Variants in IL1RAPL2 observed in about 807,000 individuals in gnomAD.
IL1RAPL2 encodes interleukin 1 receptor accessory protein like 2.
Under a neutral mutation model 44.1 loss-of-function variants are expected in IL1RAPL2, and 3 were observed. The ratio of observed to expected loss-of-function variants is 0.07; its 90% confidence interval spans 0.03 to 0.18. IL1RAPL2 has a LOEUF of 0.18. IL1RAPL2 is among the 10% of genes least tolerant of loss of function. The pLI is 1.00. For synonymous variants in IL1RAPL2, 181 were observed against 178.8 expected (o/e 1.01, Z -0.10); for missense variants, 391 against 496.4 (o/e 0.79, Z 2.02).
At chrX:104,990,492 C>T (rs1046151650) in intron 2 of IL1RAPL2, among the ~76,000 whole-genome samples, 4 of 111,292 alleles carry the variant, frequency 3.6e-5, no homozygotes, top group Admixed American at 2.9e-4. Flanking sequence ...AACAATCCTA[C>T]ATTCATGCTT....
intron 6 of IL1RAPL2, among the ~76,000 whole-genome samples, chrX:105,646,563 C>T (rs1259524665): frequency 1.8e-5 from 2 of 111,561 alleles, no homozygotes; most frequent in Non-Finnish European, 3.8e-5. Context: ...TATTTTTTTA[C>T]CTAATCAATC....
At chrX:105,386,573 T>C (rs1683045510) in intron 5 of IL1RAPL2, among the ~76,000 whole-genome samples, 2 of 112,055 alleles carry the variant, frequency 1.8e-5, no homozygotes, top group South Asian at 7.4e-4. Flanking sequence ...AATAGTATCA[T>C]CATGAGGTGA....
At chrX:105,244,328 A>G (rs745906785) in intron 4 of IL1RAPL2, among the ~76,000 whole-genome samples, 8 of 111,628 alleles carry the variant, frequency 7.2e-5, no homozygotes, top group Admixed American at 3.8e-4. Context: ...AAGGGGTAGA[A>G]CACAAAAATC....
At chrX:105,041,187 T>A (rs1011640034) in intron 2 of IL1RAPL2, among the ~76,000 whole-genome samples, 4 of 111,087 alleles carry the variant, frequency 3.6e-5, no homozygotes, top group Admixed American at 1.9e-4. Flanking sequence ...AGTTGAGCAG[T>A]TTTGAGTGAG....
intron 5 of IL1RAPL2, among the ~76,000 whole-genome samples, chrX:105,447,890 A>C (rs2035984374): frequency 1.1e-5 from 1 of 95,008 alleles, no homozygotes; most frequent in Non-Finnish European, 2.0e-5. Context: ...AAATATATAA[A>C]TATATATAAA....
intron 6 of IL1RAPL2, among the ~76,000 whole-genome samples, chrX:105,502,491 T>A (rs2036402330): frequency 9.0e-6 from 1 of 111,368 alleles, no homozygotes; most frequent in Admixed American, 9.6e-5. Context: ...TAAAATGAGA[T>A]CATCTGTGTG....
At chrX:104,858,511 T>C (rs989175510) in intron 2 of IL1RAPL2, among the ~76,000 whole-genome samples, 1 of 111,991 alleles carries the variant, frequency 8.9e-6, no homozygotes, top group Non-Finnish European at 1.9e-5. Flanking sequence ...AAAATCCAAC[T>C]TCTTTCATTA....
intron 2 of IL1RAPL2, among the ~76,000 whole-genome samples, chrX:104,879,473 C>A (rs1029279223): frequency 9.2e-6 from 1 of 109,279 alleles, no homozygotes; most frequent in African/African-American, 3.3e-5. Flanking sequence ...AGTCAAGCAT[C>A]ATGTTTGTGC....
intron 6 of IL1RAPL2, among the ~76,000 whole-genome samples, chrX:105,683,172 AT>A (rs1364128495): frequency 8.9e-6 from 1 of 111,848 alleles, no homozygotes; most frequent in East Asian, 2.8e-4. Flanking sequence ...AACAACAACA[AT>A]TACAACAATA....
chrX:104,653,301 G>A (rs1930187680), intron 1 of IL1RAPL2, among the ~76,000 whole-genome samples: 1 of 111,389 alleles, frequency 9.0e-6, no homozygotes, highest in South Asian at 3.8e-4. Context: ...GGACCTTTGG[G>A]CATATGCCAA....
intron 3 of IL1RAPL2, among the ~76,000 whole-genome samples, chrX:105,228,915 T>G (rs1669305173): frequency 8.9e-6 from 1 of 112,227 alleles, no homozygotes; most frequent in Non-Finnish European, 1.9e-5. Context: ...CCAGGGTTAT[T>G]GGGATAATTA....
intron 2 of IL1RAPL2, among the ~76,000 whole-genome samples, chrX:105,126,119 A>C (rs1199737166): frequency 1.8e-5 from 2 of 110,859 alleles, no homozygotes; most frequent in African/African-American, 6.5e-5. Context: ...ACACTGAGGC[A>C]AATCCTGGTT....
intron 5 of IL1RAPL2, among the ~76,000 whole-genome samples, chrX:105,352,604 CT>C (rs1360999519): frequency 2.7e-5 from 3 of 109,560 alleles, no homozygotes; most frequent in African/African-American, 1.0e-4. Context: ...TGTTTCCTGA[CT>C]TTTTAATGAT....
chrX:104,599,366 G>T (rs1272390693), intron 1 of IL1RAPL2, among the ~76,000 whole-genome samples: 1 of 110,667 alleles, frequency 9.0e-6, no homozygotes, highest in Non-Finnish European at 1.9e-5. Context: ...TCCCATCTCA[G>T]CCTCCTGAGT....
intron 2 of IL1RAPL2, among the ~76,000 whole-genome samples, chrX:105,035,690 C>T (rs1214767407): frequency 8.9e-6 from 1 of 112,395 alleles, no homozygotes; most frequent in Non-Finnish European, 1.9e-5. Flanking sequence ...CATTATCTCA[C>T]TTATTCTCAC....
intron 5 of IL1RAPL2, among the ~76,000 whole-genome samples, chrX:105,292,759 T>C (rs1488408053): frequency 9.0e-6 from 1 of 111,551 alleles, no homozygotes; most frequent in African/African-American, 3.3e-5. Context: ...ATTTTTAATA[T>C]AGTAAATACA....
chrX:105,661,899 C>T (rs944713211), intron 6 of IL1RAPL2, among the ~76,000 whole-genome samples: 5 of 112,060 alleles, frequency 4.5e-5, no homozygotes, highest in Non-Finnish European at 7.5e-5. Flanking sequence ...ACTAAAGATA[C>T]GGACTTACTT....
chrX:105,588,396 CTTTTA>C (rs1055338025), intron 6 of IL1RAPL2, among the ~76,000 whole-genome samples: 1 of 111,494 alleles, frequency 9.0e-6, no homozygotes, highest in African/African-American at 3.3e-5. Context: ...AATTTTTGAA[CTTTTA>C]TTTGAGGTTC....
At chrX:105,110,530 G>A (rs1418794817) in intron 2 of IL1RAPL2, among the ~76,000 whole-genome samples, 1 of 112,227 alleles carries the variant, frequency 8.9e-6, no homozygotes. Context: ...GACATTACTG[G>A]CTCAAATGAA....
Sources: allele counts gnomAD v4.1 joint callset (sites outside exome capture counted in the v4.1 genomes callset), GRCh38; gene constraint gnomAD v4.1.1; transcripts MANE v1.5; gene names NCBI Gene and HGNC (gene_info 2026-07-23, HGNC 2026-07-21).